The following LRRC37A2 variants were observed in gnomAD, a reference collection of about 807,000 sequenced individuals.
LRRC37A2 encodes leucine rich repeat containing 37 member A2.
In LRRC37A2, 9 loss-of-function variants were observed where a neutral mutation model predicts 68.8. That is an observed-to-expected ratio of 0.13 (90% confidence interval 0.08 to 0.23). The LOEUF (loss-of-function observed/expected upper bound fraction) is 0.23. Ranked by LOEUF, LRRC37A2 falls within the 10% of genes least tolerant of loss-of-function variation. The pLI, the probability that LRRC37A2 is intolerant of heterozygous loss-of-function variation, is 1.00. For synonymous variants in LRRC37A2, 63 were observed against 367.6 expected (o/e 0.17, Z 9.48); for missense variants, 168 against 950.4 (o/e 0.18, Z 10.82).
At chr17:46,910,783 C>T in the LRRC37A2 span, among the ~76,000 whole-genome samples, 26 of 152,312 alleles carry the variant, frequency 1.7e-4, no homozygotes, top group Middle Eastern at 3.4e-3. Context: ...CAAAGGCACA[C>T]AGGTGTGAAA....
At chr17:46,496,602 C>CGGGG in the LRRC37A2 span, among the ~76,000 whole-genome samples, 7 of 79,390 alleles carry the variant, frequency 8.8e-5, no homozygotes, top group East Asian at 7.1e-4. Flanking sequence ...GACTCCATCT[C>CGGGG]AAAAGAAAAA....
At chr17:46,766,820 G>C in the LRRC37A2 span, among the ~76,000 whole-genome samples, 1 of 152,166 alleles carries the variant, frequency 6.6e-6, no homozygotes, top group Non-Finnish European at 1.5e-5. Context: ...CCCTTTCACA[G>C]GCTGCTCTCG....
chr17:46,826,781 C>CAT, the LRRC37A2 span, among the ~76,000 whole-genome samples: 1 of 117,682 alleles, frequency 8.5e-6, no homozygotes. Flanking sequence ...ATCAGCTGCT[C>CAT]TTTTTTTTTT....
the LRRC37A2 span, among the ~76,000 whole-genome samples, chr17:46,915,342 T>C: frequency 6.6e-6 from 1 of 152,192 alleles, no homozygotes; most frequent in Admixed American, 6.5e-5. Context: ...GCTTCTTCCA[T>C]GATGGCTGGG....
the LRRC37A2 span, among the ~76,000 whole-genome samples, chr17:46,907,560 T>G: frequency 1.3e-5 from 2 of 151,394 alleles, no homozygotes; most frequent in African/African-American, 2.4e-5. Flanking sequence ...CTTTTTTTTT[T>G]TTTAAAGGGC....
At chr17:46,771,942 C>T in the LRRC37A2 span, among the ~76,000 whole-genome samples, 251 of 147,696 alleles carry the variant, frequency 1.7e-3, no homozygotes, top group Non-Finnish European at 2.7e-3. Flanking sequence ...GCGCCGCCGC[C>T]GCGCCTCGCC....
the LRRC37A2 span, among the ~76,000 whole-genome samples, chr17:46,816,483 A>G: frequency 0.15 from 14,347 of 95,366 alleles, 757 homozygotes; most frequent in Admixed American, 0.19. Context: ...ACGCACACAC[A>G]CACACACACA....
At chr17:46,765,281 T>A in the LRRC37A2 span, among the ~76,000 whole-genome samples, 1 of 152,140 alleles carries the variant, frequency 6.6e-6, no homozygotes, top group African/African-American at 2.4e-5. Flanking sequence ...CAGTAACAGA[T>A]CCAGGACTTG....
At chr17:46,589,373 G>T in the LRRC37A2 span, among the ~76,000 whole-genome samples, 1 of 133,814 alleles carries the variant, frequency 7.5e-6, no homozygotes, top group Non-Finnish European at 1.5e-5. Context: ...TTTAGACGGA[G>T]TCTCGCTCTG....
the LRRC37A2 span, among the ~76,000 whole-genome samples, chr17:46,950,526 T>C: frequency 1.5e-4 from 23 of 152,262 alleles, 2 homozygotes; most frequent in South Asian, 4.8e-3. Flanking sequence ...CTATTGGAAA[T>C]GGAAGGGTAA....
chr17:46,490,746 C>T, the LRRC37A2 span, among the ~76,000 whole-genome samples: 3 of 149,326 alleles, frequency 2.0e-5, no homozygotes, highest in East Asian at 5.9e-4. Context: ...AAAACCTTTA[C>T]ATTTTATTTT....
chr17:46,899,405 A>AAAAC, the LRRC37A2 span, among the ~76,000 whole-genome samples: 13 of 152,006 alleles, frequency 8.6e-5, no homozygotes, highest in South Asian at 4.1e-4. Context: ...ACCCTGTCTC[A>AAAAC]AAACAAACAA....
At chr17:46,943,665 T>C in the LRRC37A2 span, among the ~76,000 whole-genome samples, 1 of 151,962 alleles carries the variant, frequency 6.6e-6, no homozygotes, top group Admixed American at 6.6e-5. Flanking sequence ...CTTGAGCCCA[T>C]CCCCCATGCA....
the LRRC37A2 span, among the ~76,000 whole-genome samples, chr17:46,735,773 G>A: frequency 3.3e-5 from 5 of 152,068 alleles, no homozygotes; most frequent in Non-Finnish European, 7.4e-5. Context: ...AGTGAAACCC[G>A]ATCTCTACTA....
chr17:46,790,580 C>T, the LRRC37A2 span, among the ~76,000 whole-genome samples: 1 of 152,262 alleles, frequency 6.6e-6, no homozygotes, highest in Middle Eastern at 3.4e-3. Flanking sequence ...GCCCCACCTC[C>T]TATTCCCAGT....
At chr17:46,800,571 G>A in the LRRC37A2 span, among the ~76,000 whole-genome samples, 1 of 152,224 alleles carries the variant, frequency 6.6e-6, no homozygotes, top group Non-Finnish European at 1.5e-5. Flanking sequence ...TGAGAATACA[G>A]GAAAATACAC....
At chr17:46,976,593 G>A in the LRRC37A2 span, among the ~76,000 whole-genome samples, 11 of 151,996 alleles carry the variant, frequency 7.2e-5, no homozygotes, top group African/African-American at 2.2e-4. Flanking sequence ...CTCTTGACTC[G>A]TTCTCTTCTC....
At chr17:46,983,546 G>A in the LRRC37A2 span, among the ~76,000 whole-genome samples, 15 of 151,900 alleles carry the variant, frequency 9.9e-5, no homozygotes, top group South Asian at 2.1e-4. Context: ...CACCTGCCTC[G>A]GCCTCCCAAA....
chr17:47,033,053 C>T, the LRRC37A2 span, among the ~76,000 whole-genome samples: 1 of 151,782 alleles, frequency 6.6e-6, no homozygotes, highest in Non-Finnish European at 1.5e-5. Context: ...CCTGTCTCTA[C>T]TAAAAATACA....
Sources: gnomAD v4.1 joint callset for allele counts (sites outside exome capture counted in the v4.1 genomes callset) on GRCh38, gnomAD v4.1.1 for gene constraint, MANE v1.5 for transcripts, NCBI Gene and HGNC (gene_info 2026-07-23, HGNC 2026-07-21) for gene names.